The following SMAP1 variants were observed in gnomAD, a reference collection of about 807,000 sequenced individuals.
The protein encoded by SMAP1 is small ArfGAP 1.
A neutral mutation model predicts 58.5 loss-of-function variants in SMAP1; 24 were observed. That is an observed-to-expected ratio of 0.41 (90% CI 0.30 to 0.58). The LOEUF is 0.58. Among genes scored for constraint, SMAP1 ranks in the 20% least tolerant of loss-of-function variants. SMAP1 has a pLI of 0.29. For missense variants in SMAP1, 563 were observed against 566.3 expected, an observed-to-expected ratio of 0.99 and a Z score of 0.06; for synonymous variants, 216 against 196.6, an observed-to-expected ratio of 1.10 and a Z score of -0.82.
chr6:70,679,334 A>G (rs894827852), intron 1 of SMAP1, among the ~76,000 whole-genome samples: 3 of 152,138 alleles, frequency 2.0e-5, no homozygotes, highest in Admixed American at 6.5e-5. Context: ...CTAGATTTTT[A>G]TAAGTGGTAC....
At chr6:70,741,779 C>G (rs1257598111) in intron 2 of SMAP1, among the ~76,000 whole-genome samples, 7 of 152,232 alleles carry the variant, frequency 4.6e-5, no homozygotes, top group African/African-American at 1.7e-4. Flanking sequence ...CTGCAACAAA[C>G]TTCTGTTTGG....
At chr6:70,824,088 C>T (rs1014481790) in intron 6 of SMAP1, among the ~76,000 whole-genome samples, 2 of 152,126 alleles carry the variant, frequency 1.3e-5, no homozygotes, top group Admixed American at 6.6e-5. Flanking sequence ...TTGATTCTGT[C>T]TATCTGCCTG....
intron 9 of SMAP1, 24 bp from the exon 10 acceptor site, chr6:70,857,894 CTTCA>C (rs923780560): frequency 8.7e-6 from 14 of 1,607,716 alleles, no homozygotes; most frequent in Non-Finnish European, 1.1e-5. Flanking sequence ...ATAGCTCTGT[CTTCA>C]TTCATTTTCT....
chr6:70,770,379 G>C (rs1167769829), intron 3 of SMAP1, among the ~76,000 whole-genome samples: 8 of 152,164 alleles, frequency 5.3e-5, no homozygotes, highest in Non-Finnish European at 1.2e-4. Context: ...GTCACTTTCA[G>C]GTAGATCAAT....
chr6:70,729,241 C>T (rs182661530), intron 1 of SMAP1, among the ~76,000 whole-genome samples: 2 of 151,928 alleles, frequency 1.3e-5, no homozygotes, highest in Non-Finnish European at 2.9e-5. Context: ...AGATCAAGAC[C>T]ATCCTGGCTA....
At chr6:70,859,381 G>A (rs1771594987) in intron 10 of SMAP1, 2 of 1,549,350 alleles carry the variant, frequency 1.3e-6, no homozygotes, top group East Asian at 2.4e-5. Context: ...GCAATCTACT[G>A]GCCAATGACA....
chr6:70,713,358 GTTTAT>G (rs1056818301), intron 1 of SMAP1, among the ~76,000 whole-genome samples: 8 of 151,550 alleles, frequency 5.3e-5, no homozygotes, highest in African/African-American at 1.9e-4. Context: ...TAGTTAGGTT[GTTTAT>G]TTTGAGATTT....
chr6:70,668,624 C>G lies in SMAP1; in HGVS notation c.118+483C>G, dbSNP rs901252166. The G allele has an allele frequency of 1.5e-5, 23 of 1,534,916 alleles. No individual in the cohort carries two copies. The Admixed American group carries it at 4.3e-4, about 29-fold the overall frequency. On this transcript the variant is annotated intron_variant, in intron 1 of 10. Transcript: ENST00000370455. ...CACTCCGGGCTCGGATTCTTGGTCT[C>G]CTAGATGGAGCCCTACCTGCCTGCC...
At chr6:70,842,960 A>C (rs1433428916) in intron 7 of SMAP1, among the ~76,000 whole-genome samples, 2 of 152,148 alleles carry the variant, frequency 1.3e-5, no homozygotes, top group East Asian at 3.9e-4. Context: ...ACGCTTGGTC[A>C]GAATTGGATT....
At chr6:70,851,698 T>C (rs1372199961) in intron 7 of SMAP1, among the ~76,000 whole-genome samples, 1 of 152,172 alleles carries the variant, frequency 6.6e-6, no homozygotes. Context: ...CTTATAAATG[T>C]TCACTAACAT....
At chr6:70,832,442 ATG>A (rs1190850726) in intron 6 of SMAP1, among the ~76,000 whole-genome samples, 1 of 152,170 alleles carries the variant, frequency 6.6e-6, no homozygotes, top group Non-Finnish European at 1.5e-5. Context: ...CATTGAATCT[ATG>A]TGTGTGTGTA....
At chr6:70,691,156 T>C (rs1406685665) in intron 1 of SMAP1, among the ~76,000 whole-genome samples, 4 of 152,220 alleles carry the variant, frequency 2.6e-5, no homozygotes, top group Non-Finnish European at 5.9e-5. Flanking sequence ...GTCTCTTCTA[T>C]CATTGCTGAT....
chr6:70,788,509 G>A (rs529325181), intron 4 of SMAP1, among the ~76,000 whole-genome samples: 322 of 152,028 alleles, frequency 2.1e-3, no homozygotes, highest in African/African-American at 7.4e-3. Flanking sequence ...ATTATAGGAG[G>A]TGCGTACTCC....
At chr6:70,781,387 ACGTTTTC>A (rs1256438668) in intron 4 of SMAP1, among the ~76,000 whole-genome samples, 23 of 152,146 alleles carry the variant, frequency 1.5e-4, no homozygotes, top group African/African-American at 5.5e-4. Flanking sequence ...GTAAATGTTT[ACGTTTTC>A]AGCTTTTTTA....
At chr6:70,764,708 G>T (rs912044944) in intron 3 of SMAP1, among the ~76,000 whole-genome samples, 2 of 152,182 alleles carry the variant, frequency 1.3e-5, no homozygotes, top group African/African-American at 4.8e-5. Flanking sequence ...TAACCCAAGA[G>T]CTCTGATGGA....
chr6:70,861,968 T>TA lies in SMAP1; in HGVS notation c.*1635dup. Reference sequence around the variant, plus strand: ...GATTGGACAAAATGACTTGAAGACTTACAGCAAATCCTTTGTGAAAAATAA... The same window carrying TA: ...GATTGGACAAAATGACTTGAAGACTTAACAGCAAATCCTTTGTGAAAAATAA... On this transcript the variant is annotated 3_prime_UTR_variant, in exon 11 of 11. Transcript: ENST00000370455. 1.9e-6 allele frequency: 3 copies of TA among 1,609,412 alleles called. No individual in the cohort carries two copies. The highest frequency in any genetic ancestry group is 2.5e-6 in the Non-Finnish European group (3 of 1,177,148).
chr6:70,854,515 G>A (rs1344610559), intron 8 of SMAP1, among the ~76,000 whole-genome samples: 2 of 151,978 alleles, frequency 1.3e-5, no homozygotes, highest in Non-Finnish European at 2.9e-5. Flanking sequence ...CCAGTTACTC[G>A]GGAGGCTGAG....
At chr6:70,783,636 C>G (rs141791374) in intron 4 of SMAP1, among the ~76,000 whole-genome samples, 149 of 152,188 alleles carry the variant, frequency 9.8e-4, no homozygotes, top group African/African-American at 3.3e-3. Context: ...AGCCAAGGCT[C>G]AAGAACTACA....
chr6:70,789,260 G>T (rs919189872), intron 4 of SMAP1, among the ~76,000 whole-genome samples: 1 of 151,924 alleles, frequency 6.6e-6, no homozygotes, highest in East Asian at 1.9e-4. Flanking sequence ...AATACATATC[G>T]CTGTGTAACC....
Sources: allele counts gnomAD v4.1 joint callset (sites outside exome capture counted in the v4.1 genomes callset), GRCh38; gene constraint gnomAD v4.1.1; transcripts MANE v1.5; gene names NCBI Gene and HGNC (gene_info 2026-07-23, HGNC 2026-07-21).